The following SPIRE2 variants were observed in gnomAD, a reference collection of about 807,000 sequenced individuals.
SPIRE2 encodes the protein spire type actin nucleation factor 2, also known as protein spire homolog 2.
Under a neutral mutation model 80.7 loss-of-function variants are expected in SPIRE2, and 76 were observed. The ratio of observed to expected loss-of-function variants is 0.94; its 90% CI spans 0.78 to 1.14. SPIRE2 has a LOEUF of 1.14. Among genes scored for constraint, SPIRE2 ranks in the 50% most tolerant of loss-of-function variants. SPIRE2 has a pLI of 0.00. For missense variants in SPIRE2, 1,196 were observed against 1,015.3 expected (o/e 1.18, Z -2.42); for synonymous variants, 535 against 432.6 (o/e 1.24, Z -2.94).
At position 89,870,915 on chromosome 16, in the gene SPIRE2, G is replaced by C. The variant is rs1013690744; in HGVS notation, c.*643G>C. The C allele has an allele frequency of 6.5e-6, 1 of 152,850 alleles. No homozygotes were observed. The allele number at this position is 152,850 out of a possible 1,614,324, so 9.5% of individuals were successfully genotyped here. A position where few individuals can be genotyped will look rare whatever the true frequency, so the allele number is the denominator to read the frequency against. ...AGCCTGGCCAACATGATGAAATGTT[G>C]TCTCTACTGAAAATGCAAAAATTAG... is the stretch of plus-strand genomic sequence containing the variant. On this transcript the variant is annotated 3_prime_UTR_variant, in exon 15 of 15. Coordinates refer to ENST00000378247, the MANE Select transcript of SPIRE2 (RefSeq NM_032451.2).
rs2041831704 is a variant in SPIRE2 at position 89,870,610 on chromosome 16, A to G, written c.*338A>G. The G allele has an allele frequency of 4.8e-6, 1 of 207,504 alleles. No individual in the cohort carries two copies. The allele number at this position is 207,504 out of a possible 1,614,324, so 12.9% of individuals were successfully genotyped here. Reference sequence around the variant, plus strand: ...TGTTCCCATGCTCTTCTCCGTCCCCAGGAATGCGAACGGCAGTTTCCCTTC... The same window carrying G: ...TGTTCCCATGCTCTTCTCCGTCCCCGGGAATGCGAACGGCAGTTTCCCTTC... On this transcript the variant is annotated 3_prime_UTR_variant, in exon 15 of 15. Coordinates refer to ENST00000378247, the MANE Select transcript of SPIRE2 (RefSeq NM_032451.2).
Position 89,840,599 on chromosome 16 carries a change from G to T in SPIRE2, c.245-4723G>T, listed in dbSNP as rs191215639. ...TGTTACCGTAATGTTTCTCTCAAAA[G>T]TTGGAGATGGTTTGCATAAAAATAA... On this transcript the variant is annotated intron_variant, in intron 1 of 14. Transcript: ENST00000378247. Among the ~76,000 whole-genome samples the T allele has an allele frequency of 1.3e-4, 20 of 148,606 alleles. No homozygotes were observed. The East Asian group carries it at 3.9e-3, about 29-fold the overall frequency.
chr16:89,842,399 A>G (rs112222152), intron 1 of SPIRE2, among the ~76,000 whole-genome samples: 1 of 150,976 alleles, frequency 6.6e-6, no homozygotes, highest in Non-Finnish European at 1.5e-5. Context: ...TTTTAGTAGA[A>G]ACGGGGTTTT....
At chr16:89,865,279 T>G (rs2041779537) in intron 12 of SPIRE2, among the ~76,000 whole-genome samples, 1 of 152,196 alleles carries the variant, frequency 6.6e-6, no homozygotes, top group Non-Finnish European at 1.5e-5. Flanking sequence ...GTGTTGGGAT[T>G]ACAGGCGTAA....
intron 1 of SPIRE2, among the ~76,000 whole-genome samples, chr16:89,844,562 C>G (rs558941854): frequency 2.8e-4 from 42 of 152,114 alleles, no homozygotes; most frequent in African/African-American, 9.6e-4. Context: ...CATCACCCTC[C>G]CGAGTAGCTG....
intron 1 of SPIRE2, among the ~76,000 whole-genome samples, chr16:89,833,447 C>G (rs1364796278): frequency 6.6e-6 from 1 of 152,222 alleles, no homozygotes; most frequent in Non-Finnish European, 1.5e-5. Flanking sequence ...GTTTTGATTC[C>G]CATTTTACAA....
At chr16:89,843,669 T>TTTTTTTTTTGG (rs2041525072) in intron 1 of SPIRE2, among the ~76,000 whole-genome samples, 1 of 23,660 alleles carries the variant, frequency 4.2e-5, no homozygotes, top group Non-Finnish European at 7.2e-5. Flanking sequence ...GCTGCCACGT[T>TTTTTTTTTTGG]TTTTTTTTTT....
intron 1 of SPIRE2, among the ~76,000 whole-genome samples, chr16:89,843,875 A>T (rs1271373755): frequency 7.1e-6 from 1 of 140,706 alleles, no homozygotes; most frequent in African/African-American, 2.7e-5. Context: ...ATTTTTATGT[A>T]TTTTTTGGAG....
chr16:89,832,859 T>C (rs1011184886), intron 1 of SPIRE2, among the ~76,000 whole-genome samples: 4 of 152,126 alleles, frequency 2.6e-5, no homozygotes, highest in African/African-American at 9.7e-5. Flanking sequence ...TTCGCTCTTA[T>C]TGCCCAGGCT....
chr16:89,828,610 G>T lies in SPIRE2; in HGVS notation c.60G>T (p.Trp20Cys). 1 of 1,287,126 alleles carries T rather than the reference G, an allele frequency of 7.8e-7. No homozygotes were observed. Among genetic ancestry groups the T allele is most frequent in the East Asian group, 3.8e-5 (1 of 26,270 alleles). 79.7% of individuals were successfully genotyped at this position (1,287,126 alleles called of 1,614,324 possible). ...AAAGAGRPEP[W>C]ELSLEEVLKA... Reference sequence around the variant, plus strand: ...CGGGCGCAGGGCGGCCGGAGCCCTGGGAGCTGTCCCTGGAGGAGGTGCTGA... The same window carrying T: ...CGGGCGCAGGGCGGCCGGAGCCCTGTGAGCTGTCCCTGGAGGAGGTGCTGA... The change falls in exon 1 of 15, where the codon TGG becomes TGT. Residue 20 changes from tryptophan to cysteine, a missense_variant. Coordinates refer to ENST00000378247, the MANE Select transcript of SPIRE2 (RefSeq NM_032451.2). The surrounding 1 kb of genome is among the most constrained non-coding windows in gnomAD (Gnocchi z 5.9).
chr16:89,851,112 C>T (rs549702180), intron 3 of SPIRE2, among the ~76,000 whole-genome samples: 2 of 152,290 alleles, frequency 1.3e-5, no homozygotes, highest in Admixed American at 6.5e-5. Flanking sequence ...TGAGCCACCA[C>T]GCCTGGCCTC....
intron 1 of SPIRE2, among the ~76,000 whole-genome samples, chr16:89,835,065 T>C (rs1229796358): frequency 6.9e-6 from 1 of 145,282 alleles, no homozygotes; most frequent in Non-Finnish European, 1.5e-5. Flanking sequence ...TGTGAATCTG[T>C]GAACCTGCCC....
intron 1 of SPIRE2, among the ~76,000 whole-genome samples, chr16:89,829,856 G>T (rs2041362629): frequency 3.3e-5 from 5 of 151,434 alleles, no homozygotes; most frequent in Admixed American, 3.3e-4. Context: ...GCAGCGTTCA[G>T]ATTCACTGTG....
At chr16:89,865,860 C>T (rs918689562) in intron 12 of SPIRE2, among the ~76,000 whole-genome samples, 3 of 146,222 alleles carry the variant, frequency 2.1e-5, no homozygotes, top group Non-Finnish European at 4.5e-5. Flanking sequence ...CCCAGCTACT[C>T]GGGAGGCTGA....
chr16:89,859,388 C>T (rs761432782), intron 9 of SPIRE2, 34 bp downstream of exon 9: 16 of 1,341,556 alleles, frequency 1.2e-5, no homozygotes, highest in East Asian at 5.6e-5. Context: ...TACCCTCCTT[C>T]GCCCCCACCC....
At chr16:89,845,612 A>G (rs535293608) in intron 2 of SPIRE2, 29 of 702,234 alleles carry the variant, frequency 4.1e-5, no homozygotes, top group Non-Finnish European at 7.5e-5. Context: ...CAGTGGTGTT[A>G]CTTCCTTCCA....
chr16:89,830,345 T>C (rs746433285), intron 1 of SPIRE2, among the ~76,000 whole-genome samples: 4 of 151,302 alleles, frequency 2.6e-5, no homozygotes, highest in African/African-American at 4.8e-5. Context: ...GTTCATTTTT[T>C]ATTTGATAAC....
At chr16:89,853,780 G>C (rs2041660035) in intron 3 of SPIRE2, among the ~76,000 whole-genome samples, 1 of 151,864 alleles carries the variant, frequency 6.6e-6, no homozygotes, top group South Asian at 2.1e-4. Flanking sequence ...TCCCAAACAG[G>C]CCCTCACCAC....
At chr16:89,831,399 C>CT (rs59083711) in intron 1 of SPIRE2, among the ~76,000 whole-genome samples, 3,724 of 131,872 alleles carry the variant, frequency 0.028, 159 homozygotes, top group Middle Eastern at 0.19. Context: ...TTCTTTCTTT[C>CT]TTTTTTTTTT....
Sources: allele counts gnomAD v4.1 joint callset (sites outside exome capture counted in the v4.1 genomes callset), GRCh38; gene constraint gnomAD v4.1.1; non-coding constraint Gnocchi (gnomAD v3.1); transcripts MANE v1.5; gene names NCBI Gene and HGNC (gene_info 2026-07-23, HGNC 2026-07-21).